Variants in TGM5 observed in about 807,000 individuals in gnomAD.
The protein encoded by TGM5 is protein-glutamine gamma-glutamyltransferase 5.
In TGM5, 69 loss-of-function variants were observed where a neutral mutation model predicts 77.2. The observed-to-expected ratio is 0.89, with a 90% confidence interval of 0.74 to 1.09. The LOEUF (loss-of-function observed/expected upper bound fraction) is 1.09. Among genes scored for constraint, TGM5 ranks in the 50% least tolerant of loss-of-function variants. The pLI, the probability that TGM5 is intolerant of heterozygous loss-of-function variation, is 0.00. For synonymous variants in TGM5, 346 were observed against 351.8 expected (o/e 0.98, Z 0.18); for missense variants, 842 against 896.5 (o/e 0.94, Z 0.78).
intron 4 of TGM5, among the ~76,000 whole-genome samples, chr15:43,254,268 A>C (rs1362623365): frequency 6.6e-6 from 1 of 152,108 alleles, no homozygotes; most frequent in African/African-American, 2.4e-5. Flanking sequence ...CGTGAGACTC[A>C]GTTACGTGAT....
intron 6 of TGM5, among the ~76,000 whole-genome samples, chr15:43,251,309 C>T (rs935170352): frequency 6.6e-6 from 1 of 152,168 alleles, no homozygotes; most frequent in Non-Finnish European, 1.5e-5. Flanking sequence ...ATCAACTGTG[C>T]AAAGTCACTC....
intron 7 of TGM5, chr15:43,239,514 T>TAA: frequency 4.0e-6 from 2 of 499,984 alleles, no homozygotes; most frequent in African/African-American, 2.0e-5. Context: ...AGATCTCGTC[T>TAA]CAAAAAAAAA....
intron 3 of TGM5, among the ~76,000 whole-genome samples, chr15:43,258,688 A>C (rs552181496): frequency 6.6e-6 from 1 of 152,306 alleles, no homozygotes; most frequent in South Asian, 2.1e-4. Context: ...TGAGCTACAC[A>C]GTGAGGCTTC....
At position 43,255,647 on chromosome 15, in the gene TGM5, C is replaced by T. The variant is rs140458522; in HGVS notation, c.555+921G>A. 4.4e-3 allele frequency among the ~76,000 whole-genome samples: 671 copies of T among 152,154 alleles called. 3 individuals are homozygous for T. Among genetic ancestry groups the T allele is most frequent in the African/African-American group, 0.016 (652 of 41,518 alleles). On this transcript the variant is annotated intron_variant, in intron 4 of 12. Coordinates refer to ENST00000220420, the MANE Select transcript of TGM5 (RefSeq NM_201631.4). ...CATATCAAGCTGAGACAAGGCTCCA[C>T]GAGGATCCCCAGGGTTTCCTAGCTG...
chr15:43,266,324 G>A (rs1169868572), intron 1 of TGM5, among the ~76,000 whole-genome samples: 1 of 152,182 alleles, frequency 6.6e-6, no homozygotes, highest in African/African-American at 2.4e-5. Flanking sequence ...CCAGAGTGAG[G>A]GGGATGATAT....
At chr15:43,234,654 A>G in intron 11 of TGM5, 115 bp downstream of exon 11, 2 of 1,340,686 alleles carry the variant, frequency 1.5e-6, no homozygotes, top group Non-Finnish European at 2.1e-6. Flanking sequence ...CAGAAGAGGC[A>G]AAGGAAGGAG....
intron 6 of TGM5, among the ~76,000 whole-genome samples, chr15:43,241,455 T>C (rs941537018): frequency 1.3e-5 from 2 of 152,198 alleles, no homozygotes; most frequent in African/African-American, 4.8e-5. Flanking sequence ...TTCCCCCTTT[T>C]CCTGGGTATA....
At chr15:43,236,735 G>A (rs1262961578) in intron 9 of TGM5, among the ~76,000 whole-genome samples, 1 of 152,260 alleles carries the variant, frequency 6.6e-6, no homozygotes, top group East Asian at 1.9e-4. Flanking sequence ...GGGAGGCCAA[G>A]GAGGGTGGAT....
intron 1 of TGM5, 142 bp from the exon 2 acceptor site, chr15:43,260,721 C>CTGG (rs1162793884): frequency 1.2e-6 from 1 of 868,846 alleles, no homozygotes; most frequent in South Asian, 1.4e-5. Flanking sequence ...TCCATAAGAT[C>CTGG]AGCCTGCCAG....
At chr15:43,243,677 C>A (rs563566035) in intron 6 of TGM5, among the ~76,000 whole-genome samples, 1 of 152,122 alleles carries the variant, frequency 6.6e-6, no homozygotes, top group Non-Finnish European at 1.5e-5. Context: ...GAGCTCATCC[C>A]GACTATGGCT....
chr15:43,252,700 G>A, intron 6 of TGM5, 59 bp downstream of exon 6: 2 of 1,579,670 alleles, frequency 1.3e-6, no homozygotes, highest in Non-Finnish European at 1.7e-6. Context: ...TGGTTCAGAA[G>A]GCTCATACAT....
At chr15:43,257,938 T>G (rs901179714) in intron 3 of TGM5, among the ~76,000 whole-genome samples, 1 of 152,100 alleles carries the variant, frequency 6.6e-6, no homozygotes, top group Non-Finnish European at 1.5e-5. Context: ...GGGACATGGA[T>G]GCAGCTGGAA....
At chr15:43,241,857 C>T (rs1477848105) in intron 6 of TGM5, among the ~76,000 whole-genome samples, 4 of 151,728 alleles carry the variant, frequency 2.6e-5, no homozygotes, top group African/African-American at 4.9e-5. Flanking sequence ...CCAGGCTGGT[C>T]TCGAACTCCT....
Position 43,233,631 on chromosome 15 carries a change from G to A in TGM5, c.1932C>T (p.Asn644=), listed in dbSNP as rs2042564558. ...QPLSIQVIFS[N]PLSEQVEDCV... ...AGTCCTCAACCTGCTCCGAGAGGGG[G>A]TTTGAAAATATCACCTGTATGGAGA... Residue 644 remains asparagine (N), a synonymous_variant, in exon 12 of 13, where the codon AAC becomes AAT. Transcript: ENST00000220420. 1 of 1,614,218 alleles carries A rather than the reference G, an allele frequency of 6.2e-7. No individual in the cohort carries two copies. Among genetic ancestry groups the A allele is most frequent in the East Asian group, 2.2e-5 (1 of 44,878 alleles).
Position 43,260,037 on chromosome 15 carries a change from G to C in TGM5, c.436+15C>G. ...AGAAGAGAAAGGAGGGCACCGCCTG[G>C]GCACCCAGCCTTACCTGGGCACCAG... On this transcript the variant is annotated intron_variant, in intron 3 of 12. Transcript: ENST00000220420. 1.2e-6 allele frequency: 2 copies of C among 1,612,976 alleles called. No individual in the cohort carries two copies. Among genetic ancestry groups the C allele is most frequent in the East Asian group, 2.2e-5 (1 of 44,872 alleles).
chr15:43,234,017 T>C (rs952008922), intron 11 of TGM5, among the ~76,000 whole-genome samples: 3 of 152,112 alleles, frequency 2.0e-5, no homozygotes, highest in Admixed American at 2.0e-4. Context: ...ACAACAAACT[T>C]TCTAAGTTTT....
intron 6 of TGM5, among the ~76,000 whole-genome samples, chr15:43,241,706 C>T (rs1274992828): frequency 1.3e-5 from 2 of 152,084 alleles, no homozygotes; most frequent in African/African-American, 4.8e-5. Context: ...AAAAATCGCA[C>T]TCCAGCCTCC....
chr15:43,260,175 A>C lies in TGM5; in HGVS notation c.313T>G (p.Cys105Gly), dbSNP rs762637304. 19 of 1,614,006 alleles carry C rather than the reference A, an allele frequency of 1.2e-5. No homozygotes were observed. Among genetic ancestry groups the C allele is most frequent in the Non-Finnish European group, 1.5e-5 (18 of 1,180,046 alleles). Residue 105 changes from cysteine (C) to glycine (G), a missense_variant, in exon 3 of 13, where the codon TGC becomes GGC. By Grantham distance (159) the Cys-to-Gly change is radical. Transcript: ENST00000220420. ...NGATSTEVSL[C>G]APPTAAVGRY... ...CCCACGGCCGCCGTGGGAGGAGCGC[A>C]CAAGCTCACCTCTGTGGAGGTGGCC...
intron 1 of TGM5, among the ~76,000 whole-genome samples, chr15:43,264,437 T>TA (rs889781237): frequency 3.3e-5 from 5 of 150,964 alleles, no homozygotes; most frequent in African/African-American, 4.9e-5. Flanking sequence ...CATCCAGCTA[T>TA]AAAAAAAAAG....
Sources: gnomAD v4.1 joint callset for allele counts (sites outside exome capture counted in the v4.1 genomes callset) on GRCh38, gnomAD v4.1.1 for gene constraint, MANE v1.5 for transcripts, NCBI Gene and HGNC (gene_info 2026-07-23, HGNC 2026-07-21) for gene names.